Variants in HMCN1 observed in about 807,000 individuals in gnomAD.
HMCN1 encodes hemicentin 1.
A neutral mutation model predicts 625.9 loss-of-function variants in HMCN1; 321 were observed. The ratio of observed to expected loss-of-function variants is 0.51; its 90% CI spans 0.47 to 0.56. The LOEUF (loss-of-function observed/expected upper bound fraction) is 0.56, where lower values mean the gene tolerates loss of function less well. Among genes scored for constraint, HMCN1 ranks in the 20% least tolerant of loss-of-function variants. The pLI is 0.00. For synonymous variants in HMCN1, 2,425 were observed against 2,417.6 expected, an observed-to-expected ratio of 1.00 and a Z score of -0.09; for missense variants, 6,588 against 6,887.3, an observed-to-expected ratio of 0.96 and a Z score of 1.54.
chr1:185,824,453 T>C (rs1377590640), intron 1 of HMCN1, among the ~76,000 whole-genome samples: 1 of 152,178 alleles, frequency 6.6e-6, no homozygotes, highest in Non-Finnish European at 1.5e-5. Context: ...TCAAATTGTG[T>C]AACCCTGTAA....
intron 102 of HMCN1, among the ~76,000 whole-genome samples, chr1:186,174,301 G>T (rs1377440285): frequency 6.6e-6 from 1 of 152,358 alleles, no homozygotes; most frequent in East Asian, 1.9e-4. Flanking sequence ...TCTCTCCATA[G>T]TAGGGAGCAG....
At chr1:185,990,253 C>T in intron 21 of HMCN1, 22 bp from the exon 22 acceptor site, 1 of 1,609,108 alleles carries the variant, frequency 6.2e-7, no homozygotes, top group Non-Finnish European at 8.5e-7. Flanking sequence ...TGTTTCCCTT[C>T]CAAAACATGT....
At position 186,028,078 on chromosome 1, in the gene HMCN1, A is replaced by T. The variant is rs184276553; in HGVS notation, c.5749+4925A>T. ...CAATTTCACTAGATAGAGAATATTA[A>T]CTCACAAAAATTACATTTAGATTGC... On this transcript the variant is annotated intron_variant, in intron 36 of 106. Coordinates refer to ENST00000271588, the MANE Select transcript of HMCN1 (RefSeq NM_031935.3). 8.9e-4 allele frequency among the ~76,000 whole-genome samples: 136 copies of T among 152,286 alleles called. 1 individual carries two copies. The highest frequency in any genetic ancestry group is 1.9e-3 in the East Asian group (10 of 5,176).
At chr1:185,910,362 T>C (rs11811968) in intron 5 of HMCN1, among the ~76,000 whole-genome samples, 1,787 of 152,190 alleles carry the variant, frequency 0.012, 38 homozygotes, top group African/African-American at 0.041. Flanking sequence ...AGTTTGAGCT[T>C]ATAAATGGAT....
At chr1:185,919,880 G>A (rs1042221450) in intron 6 of HMCN1, among the ~76,000 whole-genome samples, 3 of 152,238 alleles carry the variant, frequency 2.0e-5, no homozygotes, top group African/African-American at 4.8e-5. Flanking sequence ...AAAAAATTAA[G>A]CTTTATATAT....
intron 1 of HMCN1, among the ~76,000 whole-genome samples, chr1:185,799,490 G>T (rs772192407): frequency 6.6e-6 from 1 of 152,138 alleles, no homozygotes; most frequent in Non-Finnish European, 1.5e-5. Context: ...CAGACACAAG[G>T]ACCAGCCCTG....
At chr1:185,747,711 T>C (rs1654515292) in intron 1 of HMCN1, among the ~76,000 whole-genome samples, 1 of 152,228 alleles carries the variant, frequency 6.6e-6, no homozygotes, top group Non-Finnish European at 1.5e-5. Flanking sequence ...GAAAATTACA[T>C]AGGAGCTAGG....
intron 16 of HMCN1, among the ~76,000 whole-genome samples, chr1:185,979,403 A>G (rs1380522939): frequency 6.6e-6 from 1 of 152,200 alleles, no homozygotes; most frequent in Non-Finnish European, 1.5e-5. Context: ...AGATGTTGAT[A>G]AAAAGTGAGA....
chr1:185,951,695 T>C (rs150007434), intron 11 of HMCN1, among the ~76,000 whole-genome samples: 24,458 of 144,944 alleles, frequency 0.17, 3,413 homozygotes, highest in African/African-American at 0.42. Context: ...AGATGGGACG[T>C]GGCTTAGGAG....
intron 40 of HMCN1, among the ~76,000 whole-genome samples, chr1:186,041,878 C>G (rs1656231767): frequency 6.6e-6 from 1 of 152,070 alleles, no homozygotes. Flanking sequence ...GAATGCAAGC[C>G]TTCTCCTTAA....
Position 186,094,475 on chromosome 1 carries a change from T to G in HMCN1, c.10294+102T>G. The G allele has an allele frequency of 3.5e-5, 30 of 853,924 alleles. No homozygotes were observed. In the South Asian group the frequency reaches 4.2e-4, roughly 12 times the overall value. The allele number at this position is 853,924 out of a possible 1,614,324, so 52.9% of individuals were successfully genotyped here. A position where few individuals can be genotyped will look rare whatever the true frequency, so the allele number is the denominator to read the frequency against. ...TCCTCAGAGATTTAGAAATCTGACT[T>G]TATCAAAAAGGATTAGTGAAATAGG... On this transcript the variant is annotated intron_variant, in intron 67 of 106. Coordinates refer to ENST00000271588, the MANE Select transcript of HMCN1 (RefSeq NM_031935.3).
intron 1 of HMCN1, among the ~76,000 whole-genome samples, 200 bp from the exon 2 acceptor site, chr1:185,845,826 T>G (rs563375063): frequency 1.3e-5 from 2 of 152,368 alleles, no homozygotes; most frequent in South Asian, 4.1e-4. Flanking sequence ...AAAAATTCAC[T>G]CTTTTAGATA....
chr1:186,005,016 G>T (rs917353626), intron 29 of HMCN1, among the ~76,000 whole-genome samples: 3 of 150,456 alleles, frequency 2.0e-5, no homozygotes, highest in Admixed American at 2.0e-4. Context: ...TGACACCATT[G>T]ATATATTAAA....
intron 80 of HMCN1, among the ~76,000 whole-genome samples, chr1:186,121,108 C>T (rs1661376372): frequency 6.6e-6 from 1 of 152,138 alleles, no homozygotes; most frequent in Non-Finnish European, 1.5e-5. Context: ...ACAGCATGTA[C>T]AGTGACCCCA....
intron 14 of HMCN1, among the ~76,000 whole-genome samples, chr1:185,967,943 T>C (rs962198979): frequency 2.0e-5 from 3 of 152,198 alleles, no homozygotes; most frequent in Admixed American, 2.0e-4. Context: ...ACAAATGCTC[T>C]CTTAAATTTT....
At chr1:186,113,775 C>A (rs140978128) in intron 72 of HMCN1, among the ~76,000 whole-genome samples, 1 of 152,328 alleles carries the variant, frequency 6.6e-6, no homozygotes, top group African/African-American at 2.4e-5. Context: ...ATTCCCCTCC[C>A]TATCTACCCT....
intron 97 of HMCN1, among the ~76,000 whole-genome samples, chr1:186,159,890 G>A (rs1348167814): frequency 1.3e-5 from 2 of 152,012 alleles, no homozygotes; most frequent in Non-Finnish European, 2.9e-5. Flanking sequence ...CTCTTTTTTG[G>A]TTGTGTCTCT....
chr1:185,786,879 A>T lies in HMCN1; in HGVS notation c.268+51832A>T, dbSNP rs184948762. The stretch of plus-strand genomic sequence containing the variant: ...TCACCCCAATGCTACGTTTGCCAAC[A>T]TTTCATAGGGAGACTTTTCACCTCC... On this transcript the variant is annotated intron_variant, in intron 1 of 106. Coordinates refer to ENST00000271588, the MANE Select transcript of HMCN1 (RefSeq NM_031935.3). Among the ~76,000 whole-genome samples, 25 of 152,284 alleles carry T rather than the reference A, an allele frequency of 1.6e-4. 1 individual carries two copies. In the East Asian group the frequency reaches 4.8e-3, roughly 29 times the overall value.
Position 185,923,287 on chromosome 1 carries a change from C to A in HMCN1, c.1022-103C>A, listed in dbSNP as rs1163080449. The A allele has an allele frequency of 3.4e-6, 3 of 883,574 alleles. No homozygotes were observed. The East Asian group carries it at 7.8e-5, about 23-fold the overall frequency. The allele number at this position is 883,574 out of a possible 1,614,324, so 54.7% of individuals were successfully genotyped here. On this transcript the variant is annotated intron_variant, in intron 7 of 106. Transcript: ENST00000271588. Reference sequence around the variant, plus strand: ...CTGCAACTGATCCAGAAATTGTAGGCATCCTTATGGTACTCATATATTATT... The same window carrying A: ...CTGCAACTGATCCAGAAATTGTAGGAATCCTTATGGTACTCATATATTATT...
Sources: gnomAD v4.1 joint callset for allele counts (sites outside exome capture counted in the v4.1 genomes callset) on GRCh38, gnomAD v4.1.1 for gene constraint, MANE v1.5 for transcripts, NCBI Gene and HGNC (gene_info 2026-07-23, HGNC 2026-07-21) for gene names.